The following IFT74 variants were observed in gnomAD, a reference collection of about 807,000 sequenced individuals.
The protein encoded by IFT74 is intraflagellar transport protein 74 homolog.
In IFT74, 92 loss-of-function variants were observed where a neutral mutation model predicts 96.7. The ratio of observed to expected loss-of-function variants is 0.95; its 90% confidence interval spans 0.80 to 1.13. The LOEUF (loss-of-function observed/expected upper bound fraction) is 1.13, where lower values mean the gene tolerates loss of function less well. Among genes scored for constraint, IFT74 ranks in the 50% most tolerant of loss-of-function variants. IFT74 has a pLI of 0.00. For synonymous variants in IFT74, 223 were observed against 213.2 expected (o/e 1.05, Z -0.40); for missense variants, 811 against 698.2 (o/e 1.16, Z -1.82).
intron 8 of IFT74, among the ~76,000 whole-genome samples, chr9:26,997,375 C>T (rs185656485): frequency 0.012 from 1,776 of 147,060 alleles, 38 homozygotes; most frequent in African/African-American, 0.043. Flanking sequence ...ACTCTGTTGC[C>T]CAGGCTGGAG....
intron 17 of IFT74, 41 bp from the exon 18 acceptor site, chr9:27,056,293 A>T (rs1226113381): frequency 7.1e-7 from 1 of 1,417,294 alleles, no homozygotes; most frequent in Non-Finnish European, 9.7e-7. Flanking sequence ...GGCTTACTAC[A>T]TATTTTCTAT....
intron 10 of IFT74, 79 bp from the exon 11 acceptor site, chr9:27,016,828 T>G: frequency 8.8e-7 from 1 of 1,133,592 alleles, no homozygotes; most frequent in Non-Finnish European, 1.2e-6. Context: ...TTTACCCCCA[T>G]TCTTATAAAC....
intron 1 of IFT74, among the ~76,000 whole-genome samples, chr9:26,948,709 C>T (rs534414420): frequency 3.3e-5 from 5 of 151,982 alleles, no homozygotes; most frequent in Admixed American, 6.6e-5. Flanking sequence ...CATAATCTGC[C>T]CTCCTCTGCC....
intron 8 of IFT74, among the ~76,000 whole-genome samples, chr9:27,008,414 G>C (rs1488629717): frequency 6.6e-6 from 1 of 151,506 alleles, no homozygotes. Flanking sequence ...CTAGAGTGAA[G>C]TGGCGCGATC....
chr9:27,056,126 A>C (rs1330252402), intron 17 of IFT74, among the ~76,000 whole-genome samples: 1 of 152,026 alleles, frequency 6.6e-6, no homozygotes, highest in Non-Finnish European at 1.5e-5. Context: ...GGGTCGGGAG[A>C]GATATGGCAG....
chr9:26,994,914 C>A (rs1289107652), intron 8 of IFT74: 2 of 152,332 alleles, frequency 1.3e-5, no homozygotes, highest in East Asian at 3.9e-4. Context: ...TTCTTTATAA[C>A]CAGAATCAAT....
Position 26,998,829 on chromosome 9 carries a change from C to CA in IFT74, c.587+8648dup, listed in dbSNP as rs1176499261. Reference sequence around the variant, plus strand: ...TGAAACCCTGTCTCTACTGAAAATACAAAAAAAAAAAAAAGTCAGCCGGGC... The same window carrying CA: ...TGAAACCCTGTCTCTACTGAAAATACAAAAAAAAAAAAAAAGTCAGCCGGGC... On this transcript the variant is annotated intron_variant, in intron 8 of 19. Transcript: ENST00000380062. 1.8e-3 allele frequency among the ~76,000 whole-genome samples: 231 copies of CA among 129,186 alleles called. No homozygotes were observed. The East Asian group carries it at 0.021, about 12-fold the overall frequency. The allele number at this position is 129,186 out of a possible 152,430, so 84.8% of individuals were successfully genotyped here.
Position 26,984,547 on chromosome 9 carries a change from A to G in IFT74, c.453A>G (p.Ala151=), listed in dbSNP as rs1232269564. ...VEIKELQGQL[A]DYNMLVDKLN... is the part of the protein sequence containing the mutation. Reference sequence around the variant, plus strand: ...TAAAAGAGCTTCAAGGACAACTAGCAGACTACAACATGGTATTTTATCTTT... The same window carrying G: ...TAAAAGAGCTTCAAGGACAACTAGCGGACTACAACATGGTATTTTATCTTT... Residue 151 remains alanine, a synonymous_variant, in exon 6 of 20, where the codon GCA becomes GCG. Coordinates refer to ENST00000380062, the MANE Select transcript of IFT74 (RefSeq NM_025103.4). The G allele has an allele frequency of 6.2e-7, 1 of 1,610,274 alleles. No individual in the cohort carries two copies. The highest frequency in any genetic ancestry group is 1.1e-5 in the South Asian group (1 of 90,770).
chr9:26,976,735 G>C (rs903948540), intron 2 of IFT74: 3 of 455,728 alleles, frequency 6.6e-6, no homozygotes, highest in African/African-American at 4.0e-5. Context: ...CAGGCTATTT[G>C]AAGAGAAACC....
At chr9:27,012,627 T>G (rs1829139140) in intron 10 of IFT74, among the ~76,000 whole-genome samples, 1 of 152,012 alleles carries the variant, frequency 6.6e-6, no homozygotes. Context: ...TTTTATTCAT[T>G]TATTTAAAAC....
At chr9:27,005,419 T>A (rs1189882490) in intron 8 of IFT74, among the ~76,000 whole-genome samples, 1 of 133,180 alleles carries the variant, frequency 7.5e-6, no homozygotes, top group Non-Finnish European at 1.6e-5. Flanking sequence ...AAAGACCCTT[T>A]GGCCATGTCT....
At chr9:26,975,772 C>G (rs915179594) in intron 2 of IFT74, among the ~76,000 whole-genome samples, 1 of 152,152 alleles carries the variant, frequency 6.6e-6, no homozygotes, top group African/African-American at 2.4e-5. Flanking sequence ...TATCGATTTC[C>G]ATAGGCATTG....
At chr9:26,957,158 G>C (rs1280881394) in intron 1 of IFT74, among the ~76,000 whole-genome samples, 1 of 152,192 alleles carries the variant, frequency 6.6e-6, no homozygotes. Context: ...GTGACTCTTT[G>C]ATTGAATAAC....
chr9:26,968,409 G>A (rs1826727137), intron 2 of IFT74, among the ~76,000 whole-genome samples: 1 of 151,956 alleles, frequency 6.6e-6, no homozygotes. Flanking sequence ...TTATAGGCAT[G>A]TGCTACCACG....
intron 17 of IFT74, 110 bp downstream of exon 17, chr9:27,055,882 T>G (rs1435389377): frequency 1.5e-6 from 1 of 645,760 alleles, no homozygotes; most frequent in Non-Finnish European, 2.4e-6. Context: ...GATTATTTTA[T>G]ATATATAAGT....
At chr9:27,032,736 T>G (rs1019861093) in intron 13 of IFT74, among the ~76,000 whole-genome samples, 9 of 151,946 alleles carry the variant, frequency 5.9e-5, no homozygotes, top group Non-Finnish European at 1.0e-4. Flanking sequence ...CATGGTGGTG[T>G]GTACCTGTAA....
chr9:27,019,094 A>T (rs1050981465), intron 12 of IFT74, among the ~76,000 whole-genome samples: 2 of 152,082 alleles, frequency 1.3e-5, no homozygotes, highest in Non-Finnish European at 2.9e-5. Context: ...AGCCAGGACT[A>T]CAGGCACACA....
intron 8 of IFT74, among the ~76,000 whole-genome samples, chr9:26,990,770 G>C (rs1827831287): frequency 6.6e-6 from 1 of 152,176 alleles, no homozygotes; most frequent in Non-Finnish European, 1.5e-5. Flanking sequence ...TTTGTGTTTT[G>C]TCAGTTGTTT....
At chr9:27,029,334 G>A (rs1383017928) in intron 13 of IFT74, among the ~76,000 whole-genome samples, 2 of 151,842 alleles carry the variant, frequency 1.3e-5, no homozygotes, top group African/African-American at 2.4e-5. Flanking sequence ...GCTTTGCCAA[G>A]CAGTTTGTTT....
Sources: allele counts gnomAD v4.1 joint callset (sites outside exome capture counted in the v4.1 genomes callset), GRCh38; gene constraint gnomAD v4.1.1; transcripts MANE v1.5; gene names NCBI Gene and HGNC (gene_info 2026-07-23, HGNC 2026-07-21).